Variants in ASTN2 observed in about 807,000 individuals in gnomAD.
ASTN2 encodes astrotactin 2, also known as astrotactin-2.
Under a neutral mutation model 139.8 loss-of-function variants are expected in ASTN2, and 54 were observed. The ratio of observed to expected loss-of-function variants is 0.39; its 90% CI spans 0.31 to 0.48. ASTN2 has a LOEUF of 0.48. Among genes scored for constraint, ASTN2 ranks in the 20% least tolerant of loss-of-function variants. The probability of loss-of-function intolerance (pLI) is 0.95; values close to 1 mark genes in which losing one functional copy is unlikely to be tolerated. For missense variants in ASTN2, 1,565 were observed against 1,725.1 expected, an observed-to-expected ratio of 0.91 and a Z score of 1.64; for synonymous variants, 756 against 719.5, an observed-to-expected ratio of 1.05 and a Z score of -0.81.
intron 1 of ASTN2, among the ~76,000 whole-genome samples, chr9:117,341,867 A>T (rs1001632529): frequency 6.6e-6 from 1 of 152,020 alleles, no homozygotes; most frequent in African/African-American, 2.4e-5. Context: ...TGCCATATAC[A>T]CTCAATTCCA....
intron 11 of ASTN2, among the ~76,000 whole-genome samples, chr9:116,846,851 A>G (rs1832444978): frequency 6.6e-6 from 1 of 152,038 alleles, no homozygotes; most frequent in South Asian, 2.1e-4. Flanking sequence ...TGGCTTGGGA[A>G]CATGCTTGAA....
In ASTN2 at chr9:117,314,699, TTATTA is replaced by T. The variant is rs1006785965; in HGVS notation, c.443-23191_443-23187del. Among the ~76,000 whole-genome samples, 531 of 146,008 alleles carry T rather than the reference TTATTA, an allele frequency of 3.6e-3. 3 individuals carry two copies. Among genetic ancestry groups the T allele is most frequent in the Non-Finnish European group, 5.9e-3 (395 of 66,762 alleles). ...TGTTTTTATAATTTTTATGGTATAT[TTATTA>T]TATTATATAATCACATATAATTATA... is the stretch of plus-strand genomic sequence containing the variant. On this transcript the variant is annotated intron_variant, in intron 1 of 22. Transcript: ENST00000313400.
At chr9:116,882,980 G>A (rs893937041) in intron 10 of ASTN2, among the ~76,000 whole-genome samples, 15 of 152,172 alleles carry the variant, frequency 9.9e-5, no homozygotes, top group African/African-American at 3.4e-4. Context: ...AAAGCAATCT[G>A]GCAAAATGTA....
intron 19 of ASTN2, among the ~76,000 whole-genome samples, chr9:116,500,543 A>G (rs1194046801): frequency 1.3e-5 from 2 of 152,204 alleles, no homozygotes; most frequent in Non-Finnish European, 2.9e-5. Context: ...TGTCCCTCCA[A>G]ACATGTTAGG....
chr9:117,112,158 C>A (rs566676459), intron 4 of ASTN2, among the ~76,000 whole-genome samples: 1 of 151,894 alleles, frequency 6.6e-6, no homozygotes, highest in East Asian at 1.9e-4. Context: ...AACAAATATA[C>A]CATGTTTGCA....
chr9:117,252,077 T>TC (rs1443064310), intron 2 of ASTN2, among the ~76,000 whole-genome samples: 2 of 152,192 alleles, frequency 1.3e-5, no homozygotes, highest in Non-Finnish European at 1.5e-5. Context: ...AGAAGAGGTG[T>TC]CTTTGGAAGA....
intron 5 of ASTN2, among the ~76,000 whole-genome samples, chr9:117,055,684 C>T (rs999124331): frequency 4.6e-5 from 7 of 152,126 alleles, no homozygotes; most frequent in Middle Eastern, 6.8e-3. Flanking sequence ...AATCAGTCTT[C>T]GAGTACATGG....
chr9:116,750,122 T>C (rs1237320796), intron 13 of ASTN2, among the ~76,000 whole-genome samples: 2 of 151,854 alleles, frequency 1.3e-5, no homozygotes, highest in East Asian at 3.9e-4. Flanking sequence ...AATTCGAAAA[T>C]GTTTGTAGAT....
chr9:116,896,696 C>T (rs1210139889), intron 10 of ASTN2, among the ~76,000 whole-genome samples: 1 of 152,134 alleles, frequency 6.6e-6, no homozygotes, highest in Non-Finnish European at 1.5e-5. Context: ...GGGAAACTTA[C>T]AATCATGGCA....
At position 116,932,045 on chromosome 9, in the gene ASTN2, T is replaced by C. The variant is rs572380446; in HGVS notation, c.1889+43163A>G. ...GTGGTAGGGGGAAGGGGTAGTAGAG[T>C]GTGAGTTTGAAGAGATAGGACCTTA... On this transcript the variant is annotated intron_variant, in intron 10 of 22. Coordinates refer to ENST00000313400, the MANE Select transcript of ASTN2 (RefSeq NM_001365068.1). Among the ~76,000 whole-genome samples the C allele has an allele frequency of 6.9e-4, 104 of 151,788 alleles. 1 individual carries two copies. The highest frequency in any genetic ancestry group is 2.9e-5 in the Non-Finnish European group (2 of 67,946).
Position 116,503,553 on chromosome 9 carries a change from A to AT in ASTN2, c.3356-16054_3356-16053insA, listed in dbSNP as rs578242818. 5.3e-5 allele frequency among the ~76,000 whole-genome samples: 8 copies of AT among 152,320 alleles called. No individual in the cohort carries two copies. The South Asian group carries it at 1.7e-3, about 32-fold the overall frequency. On this transcript the variant is annotated intron_variant, in intron 19 of 22. Coordinates refer to ENST00000313400, the MANE Select transcript of ASTN2 (RefSeq NM_001365068.1). ...AGCTGGTCAGTTTTTCCTACTGTTT[A>AT]ATAACTGCCTTGGGTTACACTGAAT...
intron 7 of ASTN2, among the ~76,000 whole-genome samples, chr9:116,999,609 G>C (rs1390168296): frequency 7.9e-6 from 1 of 126,826 alleles, no homozygotes; most frequent in South Asian, 2.8e-4. Context: ...ACCCAGGCTG[G>C]AGTGCACTGG....
intron 16 of ASTN2, chr9:116,700,699 AT>A (rs1394867045): frequency 6.0e-6 from 1 of 166,886 alleles, no homozygotes. Flanking sequence ...TGGTTTCAGG[AT>A]TTCTTTCCAT....
At chr9:117,350,001 A>T (rs1465709730) in intron 1 of ASTN2, among the ~76,000 whole-genome samples, 3 of 152,224 alleles carry the variant, frequency 2.0e-5, no homozygotes, top group Non-Finnish European at 2.9e-5. Flanking sequence ...AAATCTGAAT[A>T]AAGTCTATAG....
chr9:116,997,685 G>T (rs1837064800), intron 7 of ASTN2, among the ~76,000 whole-genome samples: 1 of 152,148 alleles, frequency 6.6e-6, no homozygotes, highest in Non-Finnish European at 1.5e-5. Context: ...ATGAACTTGA[G>T]AATGTCAATC....
In ASTN2 at chr9:116,439,168, T is replaced by C. The variant is rs78041347; in HGVS notation, c.3782+1441A>G. Among the ~76,000 whole-genome samples, 1,624 of 150,582 alleles carry C rather than the reference T, an allele frequency of 0.011. 182 individuals carry two copies. In the South Asian group the frequency reaches 0.18, roughly 17 times the overall value. ...TGATGTTGGTTTTCCCTTTACAAGATGATGTTGTGTTTTCTATTCAAATAC... is the reference window on the plus strand; with the variant it reads ...TGATGTTGGTTTTCCCTTTACAAGACGATGTTGTGTTTTCTATTCAAATAC... On this transcript the variant is annotated intron_variant, in intron 22 of 22. Coordinates refer to ENST00000313400, the MANE Select transcript of ASTN2 (RefSeq NM_001365068.1).
intron 10 of ASTN2, among the ~76,000 whole-genome samples, chr9:116,922,065 G>T (rs543074277): frequency 6.6e-6 from 1 of 152,284 alleles, no homozygotes; most frequent in South Asian, 2.1e-4. Context: ...TCTCACAGAA[G>T]TTCCTCTGCC....
At chr9:117,265,199 TAGGAAACAAGGC>T (rs1433215526) in intron 2 of ASTN2, among the ~76,000 whole-genome samples, 1 of 152,008 alleles carries the variant, frequency 6.6e-6, no homozygotes, top group Non-Finnish European at 1.5e-5. Flanking sequence ...TTAGAGGAGT[TAGGAAACAAGGC>T]AGGGAAGAAA....
At chr9:116,460,152 A>G (rs1848443216) in intron 20 of ASTN2, among the ~76,000 whole-genome samples, 1 of 152,166 alleles carries the variant, frequency 6.6e-6, no homozygotes, top group East Asian at 1.9e-4. Flanking sequence ...CCAGACACAA[A>G]GGACATATAT....
Sources: allele counts gnomAD v4.1 joint callset (sites outside exome capture counted in the v4.1 genomes callset), GRCh38; gene constraint gnomAD v4.1.1; transcripts MANE v1.5; gene names NCBI Gene and HGNC (gene_info 2026-07-23, HGNC 2026-07-21).